Variants in IL1RAPL1 observed in about 807,000 individuals in gnomAD.
IL1RAPL1 encodes the protein interleukin 1 receptor accessory protein like 1.
Under a neutral mutation model 48.4 loss-of-function variants are expected in IL1RAPL1, and 3 were observed. The ratio of observed to expected loss-of-function variants is 0.06; its 90% CI spans 0.03 to 0.16. The LOEUF (loss-of-function observed/expected upper bound fraction) is 0.16. Among genes scored for constraint, IL1RAPL1 ranks in the 10% least tolerant of loss-of-function variants. The pLI, the probability that IL1RAPL1 is intolerant of heterozygous loss-of-function variation, is 1.00. For missense variants in IL1RAPL1, 349 were observed against 530.6 expected (o/e 0.66, Z 3.36); for synonymous variants, 185 against 187.7 (o/e 0.99, Z 0.12).
chrX:29,423,045 A>G (rs1934309757), intron 5 of IL1RAPL1, among the ~76,000 whole-genome samples: 1 of 111,742 alleles, frequency 8.9e-6, no homozygotes, highest in South Asian at 3.7e-4. Context: ...GATAAGAAAC[A>G]TTTACAACTG....
At chrX:29,569,436 C>T (rs943265014) in intron 5 of IL1RAPL1, among the ~76,000 whole-genome samples, 11 of 110,750 alleles carry the variant, frequency 9.9e-5, no homozygotes, top group African/African-American at 3.3e-4. Context: ...GGTTTATTTT[C>T]GGGTTAAGAA....
At chrX:29,311,656 C>T (rs918373959) in intron 3 of IL1RAPL1, among the ~76,000 whole-genome samples, 12 of 111,694 alleles carry the variant, frequency 1.1e-4, no homozygotes, top group East Asian at 5.6e-4. Context: ...CTAGTGGCTA[C>T]GGTACTGGAC....
intron 1 of IL1RAPL1, among the ~76,000 whole-genome samples, chrX:28,697,474 G>A (rs138406180): frequency 9.0e-6 from 1 of 110,520 alleles, no homozygotes; most frequent in Admixed American, 9.7e-5. Context: ...AAAAACATAT[G>A]TAATCTTTTA....
At chrX:29,792,658 G>A (rs775918487) in intron 6 of IL1RAPL1, among the ~76,000 whole-genome samples, 80 of 111,114 alleles carry the variant, frequency 7.2e-4, no homozygotes, top group African/African-American at 2.1e-3. Flanking sequence ...GGGACCATTC[G>A]GAAATCCTGA....
chrX:28,711,325 T>A (rs1412307464), intron 1 of IL1RAPL1, among the ~76,000 whole-genome samples: 1 of 111,846 alleles, frequency 8.9e-6, no homozygotes, highest in Non-Finnish European at 1.9e-5. Context: ...AAAGATGGAA[T>A]TTCCATCAGT....
At chrX:28,721,445 G>GT (rs1391414388) in intron 1 of IL1RAPL1, among the ~76,000 whole-genome samples, 3 of 111,538 alleles carry the variant, frequency 2.7e-5, no homozygotes, top group Admixed American at 9.5e-5. Context: ...GGGGTTGTTT[G>GT]TTTTTTTCTT....
chrX:29,370,249 G>A (rs979657712), intron 3 of IL1RAPL1, among the ~76,000 whole-genome samples: 2 of 110,638 alleles, frequency 1.8e-5, no homozygotes, highest in East Asian at 2.8e-4. Flanking sequence ...TAGAAGATAC[G>A]TTTTTGAAGT....
chrX:29,818,137 C>A (rs1489063244), intron 6 of IL1RAPL1, among the ~76,000 whole-genome samples: 2 of 111,351 alleles, frequency 1.8e-5, no homozygotes, highest in African/African-American at 6.5e-5. Context: ...GATATCTGAT[C>A]AAAATTGGAG....
At chrX:29,783,500 G>T (rs1348940315) in intron 6 of IL1RAPL1, among the ~76,000 whole-genome samples, 2 of 111,697 alleles carry the variant, frequency 1.8e-5, no homozygotes, top group African/African-American at 6.5e-5. Flanking sequence ...AAACTTTCCG[G>T]ATTGGATGTG....
chrX:29,672,433 C>G (rs1926164557), intron 6 of IL1RAPL1, among the ~76,000 whole-genome samples: 1 of 111,500 alleles, frequency 9.0e-6, no homozygotes. Context: ...TCACCTCTCT[C>G]TCCTCTCTTT....
At chrX:29,239,954 C>G (rs1214277651) in intron 2 of IL1RAPL1, among the ~76,000 whole-genome samples, 7 of 108,105 alleles carry the variant, frequency 6.5e-5, no homozygotes, top group African/African-American at 2.4e-4. Context: ...CTCTCTGACT[C>G]TTCTGCTTCC....
At chrX:29,115,687 C>A (rs1227812880) in intron 2 of IL1RAPL1, among the ~76,000 whole-genome samples, 1 of 110,375 alleles carries the variant, frequency 9.1e-6, no homozygotes, top group Non-Finnish European at 1.9e-5. Context: ...GATATCCTGT[C>A]TGACCACTTT....
At chrX:29,331,048 T>A (rs762080109) in intron 3 of IL1RAPL1, among the ~76,000 whole-genome samples, 1 of 110,662 alleles carries the variant, frequency 9.0e-6, no homozygotes, top group Non-Finnish European at 1.9e-5. Context: ...ACGCTTGTAA[T>A]CCCAGCTACT....
chrX:29,166,428 A>T lies in IL1RAPL1; in HGVS notation c.83-116510A>T, dbSNP rs371795035. 6.0e-4 allele frequency among the ~76,000 whole-genome samples: 67 copies of T among 111,854 alleles called. 1 individual carries two copies. In the East Asian group the frequency reaches 0.012, roughly 20 times the overall value. On this transcript the variant is annotated intron_variant, in intron 2 of 10. Transcript: ENST00000378993. ...TAAAGTAATCTTCATGGCTTGAACA[A>T]TCCAGAGCCTGTGAAATCTCCCTTG...
intron 2 of IL1RAPL1, among the ~76,000 whole-genome samples, chrX:29,017,519 G>T (rs1477996933): frequency 2.7e-5 from 3 of 111,748 alleles, no homozygotes; most frequent in Non-Finnish European, 5.7e-5. Flanking sequence ...ATTTTTCATT[G>T]CAACAGAGGT....
At chrX:29,584,569 TCA>T (rs1246786422) in intron 5 of IL1RAPL1, among the ~76,000 whole-genome samples, 1 of 111,442 alleles carries the variant, frequency 9.0e-6, no homozygotes, top group Non-Finnish European at 1.9e-5. Context: ...GTAGTAATTC[TCA>T]GTCTTCATCT....
At chrX:29,319,199 T>TATCC (rs1281517746) in intron 3 of IL1RAPL1, among the ~76,000 whole-genome samples, 1 of 101,272 alleles carries the variant, frequency 9.9e-6, no homozygotes, top group African/African-American at 3.5e-5. Context: ...TCTATCTATC[T>TATCC]ATCTATAGTT....
intron 5 of IL1RAPL1, among the ~76,000 whole-genome samples, chrX:29,516,210 A>T (rs6628443): frequency 0.42 from 46,778 of 110,713 alleles, 7,282 homozygotes; most frequent in East Asian, 0.7. Flanking sequence ...GAAAATGTAG[A>T]CATATTAATT....
chrX:29,125,632 C>T (rs1180953391), intron 2 of IL1RAPL1, among the ~76,000 whole-genome samples: 1 of 111,276 alleles, frequency 9.0e-6, no homozygotes, highest in African/African-American at 3.3e-5. Context: ...GTCCCTTTTT[C>T]ACCATTTGCT....
Sources: gnomAD v4.1 joint callset for allele counts (sites outside exome capture counted in the v4.1 genomes callset) on GRCh38, gnomAD v4.1.1 for gene constraint, MANE v1.5 for transcripts, NCBI Gene and HGNC (gene_info 2026-07-23, HGNC 2026-07-21) for gene names.